The following PPFIA2 variants were observed in gnomAD, a reference collection of about 807,000 sequenced individuals.
PPFIA2 encodes liprin-alpha-2.
PPFIA2 carries 46 observed loss-of-function variants against 175.5 expected under a neutral mutation model. The ratio of observed to expected loss-of-function variants is 0.26; its 90% CI spans 0.21 to 0.34. The LOEUF (loss-of-function observed/expected upper bound fraction) is 0.34. Among genes scored for constraint, PPFIA2 ranks in the 10% least tolerant of loss-of-function variants. PPFIA2 has a pLI of 1.00. For synonymous variants in PPFIA2, 568 were observed against 511.4 expected (o/e 1.11, Z -1.49); for missense variants, 1,179 against 1,506.1 (o/e 0.78, Z 3.60).
chr12:81,396,148 A>C (rs2041094698), intron 8 of PPFIA2, among the ~76,000 whole-genome samples: 1 of 152,030 alleles, frequency 6.6e-6, no homozygotes, highest in African/African-American at 2.4e-5. Flanking sequence ...AAGATTTATA[A>C]AGTTAATCAT....
chr12:81,472,731 TCTC>T (rs780658137), intron 4 of PPFIA2: 16 of 129,618 alleles, frequency 1.2e-4, no homozygotes, highest in Admixed American at 4.0e-4. Context: ...CATCTTAACA[TCTC>T]CTTCCCCAGC....
rs1020888148 is a variant in PPFIA2, at chr12:81,384,307, A to G, written c.763-63T>C. 3.5e-6 allele frequency: 4 copies of G among 1,142,726 alleles called. No individual in the cohort carries two copies. The African/African-American group carries it at 6.4e-5, about 18-fold the overall frequency. The allele number at this position is 1,142,726 out of a possible 1,614,324, so 70.8% of individuals were successfully genotyped here. On this transcript the variant is annotated intron_variant, in intron 8 of 32. Transcript: ENST00000549396. Reference sequence around the variant, plus strand: ...TCATCTTTAATTTAAAATTTAAAATAAACTTAAAGAAATTAAACTGACACT... The same window carrying G: ...TCATCTTTAATTTAAAATTTAAAATGAACTTAAAGAAATTAAACTGACACT...
chr12:81,555,556 A>C (rs956700960), intron 4 of PPFIA2, among the ~76,000 whole-genome samples: 2 of 152,010 alleles, frequency 1.3e-5, no homozygotes, highest in African/African-American at 4.8e-5. Context: ...CAATTTTCAA[A>C]CAGTGACAGA....
intron 3 of PPFIA2, among the ~76,000 whole-genome samples, chr12:81,689,942 C>T (rs1025971208): frequency 1.3e-5 from 2 of 152,044 alleles, no homozygotes; most frequent in African/African-American, 2.4e-5. Flanking sequence ...TCAAAACAGA[C>T]GATACAGACA....
At chr12:81,424,623 A>G (rs1272674311) in intron 7 of PPFIA2, among the ~76,000 whole-genome samples, 1 of 152,178 alleles carries the variant, frequency 6.6e-6, no homozygotes, top group Non-Finnish European at 1.5e-5. Context: ...GTATATGGCC[A>G]TGAAAATAGA....
intron 7 of PPFIA2, chr12:81,430,055 T>C (rs2047821417): frequency 6.6e-6 from 1 of 152,080 alleles, no homozygotes; most frequent in Non-Finnish European, 1.5e-5. Flanking sequence ...CCTCTCCAAA[T>C]CAATATCTTC....
intron 22 of PPFIA2, among the ~76,000 whole-genome samples, chr12:81,314,432 G>C (rs988954339): frequency 7.2e-5 from 11 of 151,876 alleles, no homozygotes; most frequent in African/African-American, 2.7e-4. Flanking sequence ...AGACCATTGT[G>C]AGTAATTGGC....
At chr12:81,580,717 T>C (rs2074273515) in intron 4 of PPFIA2, among the ~76,000 whole-genome samples, 1 of 151,794 alleles carries the variant, frequency 6.6e-6, no homozygotes, top group Admixed American at 6.6e-5. Context: ...AGATACTTCA[T>C]ATTCTATAGA....
At chr12:81,647,798 A>C (rs2066378520) in intron 4 of PPFIA2, among the ~76,000 whole-genome samples, 1 of 140,044 alleles carries the variant, frequency 7.1e-6, no homozygotes, top group South Asian at 2.2e-4. Flanking sequence ...ATAATATAAT[A>C]TATATTATAT....
At chr12:81,465,838 T>C (rs180689800) in intron 4 of PPFIA2, among the ~76,000 whole-genome samples, 25 of 152,060 alleles carry the variant, frequency 1.6e-4, no homozygotes, top group African/African-American at 5.5e-4. Flanking sequence ...TTCAGAGGAG[T>C]CTTTAGAAAT....
chr12:81,405,458 T>G (rs2142909225), intron 8 of PPFIA2, among the ~76,000 whole-genome samples: 1 of 151,916 alleles, frequency 6.6e-6, no homozygotes, highest in Non-Finnish European at 1.5e-5. Flanking sequence ...ATACACACAA[T>G]GTGTATATAT....
At chr12:81,630,807 C>T (rs915132238) in intron 4 of PPFIA2, among the ~76,000 whole-genome samples, 6 of 151,204 alleles carry the variant, frequency 4.0e-5, no homozygotes, top group South Asian at 2.1e-4. Context: ...TATATAATTG[C>T]GTAATGCTTT....
chr12:81,382,706 T>C (rs574780241), intron 9 of PPFIA2, among the ~76,000 whole-genome samples: 1 of 152,252 alleles, frequency 6.6e-6, no homozygotes, highest in Non-Finnish European at 1.5e-5. Context: ...CAGGAGGGTC[T>C]GGTTTGCTGA....
intron 4 of PPFIA2, chr12:81,545,689 TG>T (rs1433376664): frequency 1.3e-5 from 2 of 152,108 alleles, no homozygotes; most frequent in African/African-American, 4.8e-5. Flanking sequence ...CTGACAACGG[TG>T]GGAAATGCAC....
intron 8 of PPFIA2, among the ~76,000 whole-genome samples, chr12:81,394,276 G>T (rs2040683009): frequency 1.3e-5 from 2 of 151,928 alleles, no homozygotes; most frequent in African/African-American, 4.8e-5. Flanking sequence ...CTGTTACTTG[G>T]ATTACTTGGG....
chr12:81,478,987 T>A (rs536711436), intron 4 of PPFIA2, among the ~76,000 whole-genome samples: 3 of 152,288 alleles, frequency 2.0e-5, no homozygotes, highest in African/African-American at 7.2e-5. Context: ...ATTTTCTGTC[T>A]CATTGAGCTA....
intron 4 of PPFIA2, among the ~76,000 whole-genome samples, chr12:81,650,007 T>C (rs930550518): frequency 1.3e-5 from 2 of 151,442 alleles, no homozygotes; most frequent in African/African-American, 4.9e-5. Context: ...TATGTTTTTG[T>C]TTTTGTTTTT....
At chr12:81,563,859 A>AG (rs946484717) in intron 4 of PPFIA2, among the ~76,000 whole-genome samples, 2 of 152,192 alleles carry the variant, frequency 1.3e-5, no homozygotes, top group Non-Finnish European at 2.9e-5. Flanking sequence ...AGCATTTGTG[A>AG]GGGGAAAAAG....
At chr12:81,470,043 A>C (rs2056453698) in intron 4 of PPFIA2, among the ~76,000 whole-genome samples, 1 of 152,200 alleles carries the variant, frequency 6.6e-6, no homozygotes, top group South Asian at 2.1e-4. Context: ...TTTGTTGATT[A>C]AGCCATCCAG....
Sources: allele counts gnomAD v4.1 joint callset (sites outside exome capture counted in the v4.1 genomes callset), GRCh38; gene constraint gnomAD v4.1.1; transcripts MANE v1.5; gene names NCBI Gene and HGNC (gene_info 2026-07-23, HGNC 2026-07-21).